Variants in PLCE1 observed in about 807,000 individuals in gnomAD.
PLCE1 encodes the protein 1-phosphatidylinositol 4,5-bisphosphate phosphodiesterase epsilon-1.
PLCE1 carries 119 observed loss-of-function variants against 242.8 expected under a neutral mutation model. The ratio of observed to expected loss-of-function variants is 0.49; its 90% CI spans 0.42 to 0.57. The LOEUF is 0.57. Among genes scored for constraint, PLCE1 ranks in the 20% least tolerant of loss-of-function variants. The pLI is 0.00. For synonymous variants in PLCE1, 945 were observed against 1,017.4 expected (o/e 0.93, Z 1.35); for missense variants, 2,441 against 2,788.8 (o/e 0.88, Z 2.81).
chr10:94,262,575 C>T lies in PLCE1; in HGVS notation c.3896C>T (p.Ser1299Phe), dbSNP rs267602625. ...CTATCGGACAACCAGAGGCAGATAT[C>T]TGATGCCATTGCTGCTGCAAGCATT... ...QQLSDNQRQI[S>F]DAIAAASIVT... Residue 1299 changes from serine to phenylalanine, a missense_variant, in exon 14 of 33, where the codon TCT becomes TTT. Transcript: ENST00000371380. 6.2e-7 allele frequency: 1 copy of T among 1,614,046 alleles called. No individual in the cohort carries two copies. The highest frequency in any genetic ancestry group is 8.5e-7 in the Non-Finnish European group (1 of 1,179,902).
At position 94,080,827 on chromosome 10, in the gene PLCE1, CA is replaced by C. The variant is rs2044634173; in HGVS notation, c.1206+48577del. The stretch of plus-strand genomic sequence containing the variant: ...ATATTTCAAGAATACTGGGAAAGCA[CA>C]AGGAGCTTATGACAAATAGCCATGT... On this transcript the variant is annotated intron_variant, in intron 2 of 32. Transcript: ENST00000371380. 3.3e-5 allele frequency among the ~76,000 whole-genome samples: 5 copies of C among 152,316 alleles called. No individual in the cohort carries two copies. The South Asian group carries it at 1.0e-3, about 32-fold the overall frequency.
intron 4 of PLCE1, among the ~76,000 whole-genome samples, chr10:94,201,438 T>TA (rs1306245287): frequency 6.6e-6 from 1 of 152,184 alleles, no homozygotes; most frequent in Non-Finnish European, 1.5e-5. Flanking sequence ...TTTGCCCCAC[T>TA]AAAAAATATT....
rs2051692325 is a variant in PLCE1 at position 94,270,602 on chromosome 10, G to A, written c.4506G>A (p.Lys1502=). 1 of 1,565,084 alleles carries A rather than the reference G, an allele frequency of 6.4e-7. No individual in the cohort carries two copies. The highest frequency in any genetic ancestry group is 1.7e-5 in the Admixed American group (1 of 59,936). The change falls in exon 18 of 33, where the codon AAG becomes AAA. Residue 1502 remains lysine (K), a splice_region_variant and synonymous_variant. Transcript: ENST00000371380. Reference sequence around the variant, plus strand: ...AACGAAAAATGGCAGAAATTTTCAAGGTGAGCTCTCAACAAAAAGGCAGGA... The same window carrying A: ...AACGAAAAATGGCAGAAATTTTCAAAGTGAGCTCTCAACAAAAAGGCAGGA... ...PQQRKMAEIF[K]TVFGEKLVTK...
rs553609351 is a variant in PLCE1, at chr10:94,246,072, C to T, written c.2547C>T (p.Tyr849=). 4.2e-5 allele frequency: 67 copies of T among 1,614,132 alleles called. No individual in the cohort carries two copies. In the Middle Eastern group the frequency reaches 4.9e-4, roughly 12 times the overall value. ...ATGGGACGGAGCTCATCCCTTGGTA[C>T]GTGCTGTCCATCCAAGCCGATGTGC... The part of the protein sequence containing the change: ...FDHGTELIPW[Y]VLSIQADVHQ... Residue 849 remains tyrosine (Y), a synonymous_variant, in exon 8 of 33, where the codon TAC becomes TAT. Coordinates refer to ENST00000371380, the MANE Select transcript of PLCE1 (RefSeq NM_016341.4).
At chr10:94,275,461 C>T (rs1361484657) in intron 19 of PLCE1, among the ~76,000 whole-genome samples, 6 of 152,176 alleles carry the variant, frequency 3.9e-5, no homozygotes, top group African/African-American at 1.4e-4. Flanking sequence ...TAGTATATTA[C>T]AGCACAAGAA....
intron 3 of PLCE1, among the ~76,000 whole-genome samples, chr10:94,156,226 CT>C (rs1400689792): frequency 6.6e-6 from 1 of 152,174 alleles, no homozygotes; most frequent in African/African-American, 2.4e-5. Flanking sequence ...AACTGGGCGT[CT>C]TATAACACAA....
chr10:94,188,894 C>T (rs1342065805), intron 4 of PLCE1, among the ~76,000 whole-genome samples: 1 of 151,808 alleles, frequency 6.6e-6, no homozygotes. Flanking sequence ...CATGAGCCAC[C>T]ATGCCCAGCC....
intron 30 of PLCE1, among the ~76,000 whole-genome samples, chr10:94,323,928 T>TAG (rs1289905069): frequency 6.6e-6 from 1 of 152,208 alleles, no homozygotes; most frequent in Non-Finnish European, 1.5e-5. Context: ...GACTCTGTGA[T>TAG]AGAGATAGCC....
At chr10:94,062,582 G>GTTTTTT (rs5787099) in intron 2 of PLCE1, among the ~76,000 whole-genome samples, 36 of 142,314 alleles carry the variant, frequency 2.5e-4, no homozygotes, top group Middle Eastern at 3.7e-3. Context: ...TCTTGGTTTT[G>GTTTTTT]TTTTTTTTTT....
intron 7 of PLCE1, among the ~76,000 whole-genome samples, chr10:94,238,022 A>G (rs2137365304): frequency 6.6e-6 from 1 of 152,330 alleles, no homozygotes; most frequent in African/African-American, 2.4e-5. Flanking sequence ...GGTTTACCCC[A>G]CCTACAGGGT....
intron 1 of PLCE1, among the ~76,000 whole-genome samples, chr10:94,008,983 A>G (rs2061108774): frequency 6.6e-6 from 1 of 152,174 alleles, no homozygotes; most frequent in Non-Finnish European, 1.5e-5. Flanking sequence ...CTCTGGTCCC[A>G]TCACCTCCCA....
intron 20 of PLCE1, among the ~76,000 whole-genome samples, chr10:94,281,759 C>G (rs2133288518): frequency 6.6e-6 from 1 of 152,218 alleles, no homozygotes; most frequent in East Asian, 1.9e-4. Context: ...AGTATTTCCC[C>G]CTTCATTGAA....
chr10:94,230,843 A>T (rs1379231286), intron 5 of PLCE1, among the ~76,000 whole-genome samples: 1 of 151,190 alleles, frequency 6.6e-6, no homozygotes, highest in Non-Finnish European at 1.5e-5. Context: ...TCCTGGCCTC[A>T]AGTGATCTCC....
chr10:94,016,224 A>C (rs950663014), intron 1 of PLCE1, among the ~76,000 whole-genome samples: 1 of 151,986 alleles, frequency 6.6e-6, no homozygotes, highest in African/African-American at 2.4e-5. Context: ...TTTAGACAGT[A>C]TAATATTATT....
intron 4 of PLCE1, among the ~76,000 whole-genome samples, chr10:94,210,794 T>A (rs894940045): frequency 2.0e-5 from 3 of 152,270 alleles, no homozygotes; most frequent in African/African-American, 7.2e-5. Context: ...GAAGTTTTCT[T>A]CCTTTGGCTT....
At chr10:94,264,742 G>A (rs541096786) in intron 14 of PLCE1, among the ~76,000 whole-genome samples, 3 of 151,736 alleles carry the variant, frequency 2.0e-5, no homozygotes, top group East Asian at 3.9e-4. Flanking sequence ...GGCTGGTCTC[G>A]AACTCCTGAC....
chr10:94,104,361 T>G (rs2045650267), intron 2 of PLCE1: 1 of 152,238 alleles, frequency 6.6e-6, no homozygotes, highest in Admixed American at 6.5e-5. Flanking sequence ...TACTCGTGGT[T>G]AGTAGTGTTG....
At chr10:94,256,780 A>T (rs2051117249) in intron 11 of PLCE1, among the ~76,000 whole-genome samples, 1 of 152,238 alleles carries the variant, frequency 6.6e-6, no homozygotes. Flanking sequence ...GAGGACAGGG[A>T]TCAGCACCCA....
intron 1 of PLCE1, among the ~76,000 whole-genome samples, chr10:94,015,280 G>T (rs991415621): frequency 6.6e-6 from 1 of 152,158 alleles, no homozygotes; most frequent in Admixed American, 6.5e-5. Flanking sequence ...CTACCTCAAA[G>T]CTGCTTTATC....
Sources: gnomAD v4.1 joint callset for allele counts (sites outside exome capture counted in the v4.1 genomes callset) on GRCh38, gnomAD v4.1.1 for gene constraint, MANE v1.5 for transcripts, NCBI Gene and HGNC (gene_info 2026-07-23, HGNC 2026-07-21) for gene names.